TSNARE1: variants seen among roughly 807,000 people sequenced by gnomAD.
TSNARE1 encodes the protein t-SNARE domain containing 1.
A neutral mutation model predicts 62.0 loss-of-function variants in TSNARE1; 49 were observed. The observed-to-expected ratio is 0.79, with a 90% CI of 0.63 to 1.00. TSNARE1 has a LOEUF of 1.00. TSNARE1 is among the 50% of genes least tolerant of loss of function. The pLI is 0.00. For synonymous variants in TSNARE1, 328 were observed against 294.4 expected (o/e 1.11, Z -1.17); for missense variants, 755 against 700.1 (o/e 1.08, Z -0.88).
At chr8:142,282,645 A>G (rs1172474686) in intron 11 of TSNARE1, among the ~76,000 whole-genome samples, 2 of 129,884 alleles carry the variant, frequency 1.5e-5, no homozygotes, top group East Asian at 2.3e-4. Context: ...AGGCGGGGCC[A>G]GTGTCTGTCA....
intron 1 of TSNARE1, among the ~76,000 whole-genome samples, chr8:142,394,454 C>A (rs1025744671): frequency 6.6e-6 from 1 of 152,190 alleles, no homozygotes; most frequent in African/African-American, 2.4e-5. Flanking sequence ...CAGAGCTGCT[C>A]TGGGTAAAGG....
upstream of TSNARE1, chr8:142,406,166 G>A (rs1838582419): frequency 6.6e-6 from 1 of 152,390 alleles, no homozygotes; most frequent in African/African-American, 2.4e-5. Context: ...CAAGGGGCAG[G>A]GTCCCAAGCT....
chr8:142,404,672 AG>A (rs1407409097), upstream of TSNARE1: 2 of 152,278 alleles, frequency 1.3e-5, no homozygotes, highest in Non-Finnish European at 2.9e-5. Flanking sequence ...AGTGCAGGGA[AG>A]CCGGCTCCTA....
At chr8:142,219,889 G>A (rs961074113) in intron 13 of TSNARE1, among the ~76,000 whole-genome samples, 28 of 152,306 alleles carry the variant, frequency 1.8e-4, no homozygotes, top group African/African-American at 6.3e-4. Context: ...AGCCCACTGT[G>A]GATGGGTGCC....
chr8:142,272,039 C>T (rs1285557838), intron 12 of TSNARE1, among the ~76,000 whole-genome samples: 1 of 152,086 alleles, frequency 6.6e-6, no homozygotes, highest in Non-Finnish European at 1.5e-5. Context: ...CGCCATCCTG[C>T]TACCCAAGTG....
chr8:142,330,126 T>C (rs1830800766), intron 6 of TSNARE1, among the ~76,000 whole-genome samples: 2 of 152,212 alleles, frequency 1.3e-5, no homozygotes, highest in Non-Finnish European at 2.9e-5. Flanking sequence ...TCCTTGGAGC[T>C]GCGGGCATCC....
rs574065125 is a variant in TSNARE1 at position 142,341,532 on chromosome 8, G to A, written c.745+2434C>T. 2.6e-5 allele frequency among the ~76,000 whole-genome samples: 4 copies of A among 152,316 alleles called. No homozygotes were observed. The South Asian group carries it at 6.2e-4, about 24-fold the overall frequency. ...CAGCCTCCAACCCGAAGCAGAGTGC[G>A]CACCTGGGGCGCATCCAGACACACG... On this transcript the variant is annotated intron_variant, in intron 4 of 13. Transcript: ENST00000524325.
At chr8:142,372,161 G>C (rs1451257951) in intron 1 of TSNARE1, among the ~76,000 whole-genome samples, 2 of 152,166 alleles carry the variant, frequency 1.3e-5, no homozygotes, top group African/African-American at 2.4e-5. Context: ...CTGAACACAG[G>C]ATCTGATCTC....
chr8:142,383,382 T>C (rs1046736751), intron 1 of TSNARE1, among the ~76,000 whole-genome samples: 2 of 150,198 alleles, frequency 1.3e-5, no homozygotes, highest in Non-Finnish European at 3.0e-5. Context: ...AGAGTGCAAA[T>C]GCCAGACAGC....
chr8:142,272,194 G>A (rs1430351185), intron 12 of TSNARE1, among the ~76,000 whole-genome samples: 1 of 151,714 alleles, frequency 6.6e-6, no homozygotes, highest in African/African-American at 2.4e-5. Context: ...CATGCTGTCT[G>A]TCCATCCACC....
chr8:142,307,893 G>A (rs1047886693), intron 9 of TSNARE1, among the ~76,000 whole-genome samples: 4 of 152,206 alleles, frequency 2.6e-5, no homozygotes, highest in Non-Finnish European at 4.4e-5. Context: ...TTTTGCAGAG[G>A]TTTTCACTCA....
intron 4 of TSNARE1, among the ~76,000 whole-genome samples, chr8:142,336,958 A>T (rs1723132679): frequency 6.6e-6 from 1 of 152,232 alleles, no homozygotes; most frequent in Non-Finnish European, 1.5e-5. Context: ...TAACTGAATG[A>T]AATAAAAACA....
At chr8:142,244,059 G>A (rs970852034) in intron 12 of TSNARE1, among the ~76,000 whole-genome samples, 10 of 152,288 alleles carry the variant, frequency 6.6e-5, no homozygotes, top group East Asian at 1.9e-4. Flanking sequence ...GGTGGCAGGC[G>A]CCTGTGGTCC....
At chr8:142,244,472 C>T (rs765036761) in intron 12 of TSNARE1, among the ~76,000 whole-genome samples, 2 of 152,054 alleles carry the variant, frequency 1.3e-5, no homozygotes, top group African/African-American at 2.4e-5. Flanking sequence ...TTAAAGAGGG[C>T]GTCAGTAAAC....
intron 1 of TSNARE1, among the ~76,000 whole-genome samples, chr8:142,399,885 C>A (rs906087768): frequency 6.6e-6 from 1 of 152,158 alleles, no homozygotes; most frequent in Non-Finnish European, 1.5e-5. Context: ...CACAGAAACG[C>A]CCGTGTGCAT....
At position 142,319,729 on chromosome 8, in the gene TSNARE1, G is replaced by A. The variant is rs371710786; in HGVS notation, c.894-1095C>T. On this transcript the variant is annotated intron_variant, in intron 6 of 13. Coordinates refer to ENST00000524325, the MANE Select transcript of TSNARE1 (RefSeq NM_145003.5). The surrounding 1 kb of genome is among the most constrained non-coding windows in gnomAD (Gnocchi z 4.9). ...TGCAGGCCAAGCCTACAGGAGCGGG[G>A]CCCACCTCCTGATACCCACCCTGGG... Among the ~76,000 whole-genome samples, 162 of 152,280 alleles carry A rather than the reference G, an allele frequency of 1.1e-3. 1 individual carries two copies. The highest frequency in any genetic ancestry group is 3.7e-3 in the African/African-American group (155 of 41,572).
chr8:142,274,305 G>A (rs1820060115), intron 12 of TSNARE1: 12 of 985,304 alleles, frequency 1.2e-5, no homozygotes, highest in South Asian at 4.7e-5. Context: ...AAGGCCCAGT[G>A]AGTGGCTAGT....
At chr8:142,286,869 T>C (rs991988640) in intron 10 of TSNARE1, among the ~76,000 whole-genome samples, 1 of 152,300 alleles carries the variant, frequency 6.6e-6, no homozygotes, top group African/African-American at 2.4e-5. Flanking sequence ...TGGTGGCTCA[T>C]GGCCTCAGGG....
exon 1 of TSNARE1, chr8:142,403,179 ACGTGACGGCCCCTCCCGCCGCCGG>A (rs1838435853): frequency 6.8e-6 from 1 of 146,652 alleles, no homozygotes; most frequent in South Asian, 2.1e-4. Flanking sequence ...CCCAAACATC[ACGTGACGGCCCCTCCCGCCGCCGG>A]CGTGCGCGCC....
Sources: allele counts gnomAD v4.1 joint callset (sites outside exome capture counted in the v4.1 genomes callset), GRCh38; gene constraint gnomAD v4.1.1; non-coding constraint Gnocchi (gnomAD v3.1); transcripts MANE v1.5; gene names NCBI Gene and HGNC (gene_info 2026-07-23, HGNC 2026-07-21).